The following ACYP2 variants were observed in gnomAD, a reference collection of about 807,000 sequenced individuals.
ACYP2 encodes acylphosphatase-2.
In ACYP2, 12 loss-of-function variants were observed where a neutral mutation model predicts 11.2. The ratio of observed to expected loss-of-function variants is 1.08; its 90% CI spans 0.69 to 1.74. ACYP2 has a LOEUF of 1.74. ACYP2 is among the 40% of genes most tolerant of loss of function. The pLI, the probability that ACYP2 is intolerant of heterozygous loss-of-function variation, is 0.00. For synonymous variants in ACYP2, 43 were observed against 32.2 expected, an observed-to-expected ratio of 1.33 and a Z score of -1.13; for missense variants, 134 against 101.9, an observed-to-expected ratio of 1.31 and a Z score of -1.35.
intron 4 of ACYP2, among the ~76,000 whole-genome samples, chr2:54,060,293 C>A (rs1345773518): frequency 6.6e-6 from 1 of 151,944 alleles, no homozygotes; most frequent in East Asian, 1.9e-4. Context: ...AGTTTACTTT[C>A]TAGATTCGTT....
At chr2:54,115,791 G>A (rs754331174) in intron 4 of ACYP2, 35 bp downstream of exon 1, 1 of 1,562,134 alleles carries the variant, frequency 6.4e-7, no homozygotes, top group South Asian at 1.2e-5. Flanking sequence ...GATCAAAAAG[G>A]TTATGGGAGG....
chr2:54,009,525 G>C (rs369671058), intron 2 of ACYP2, among the ~76,000 whole-genome samples: 246 of 152,288 alleles, frequency 1.6e-3, no homozygotes, highest in African/African-American at 5.7e-3. Context: ...AGTGAGCCAA[G>C]ATTGCATCAC....
At chr2:54,167,494 A>G (rs1014311701) in intron 6 of ACYP2, among the ~76,000 whole-genome samples, 24 of 152,208 alleles carry the variant, frequency 1.6e-4, no homozygotes, top group African/African-American at 5.1e-4. Context: ...TCACAGTTGT[A>G]GTATTTTTCT....
intron 6 of ACYP2, among the ~76,000 whole-genome samples, chr2:54,176,806 G>GTTT (rs1683482826): frequency 6.6e-6 from 1 of 152,158 alleles, no homozygotes; most frequent in South Asian, 2.1e-4. Context: ...GTTGTTGAGA[G>GTTT]GGTACCAAAG....
intron 4 of ACYP2, among the ~76,000 whole-genome samples, chr2:54,107,804 G>A (rs769622941): frequency 6.6e-6 from 1 of 152,218 alleles, no homozygotes; most frequent in Non-Finnish European, 1.5e-5. Flanking sequence ...ATCAGATAGA[G>A]ATCCACTTTG....
chr2:54,230,835 T>C lies in ACYP2; in HGVS notation c.405-73853T>C, dbSNP rs550882060. The stretch of plus-strand genomic sequence containing the variant: ...CAATGTATTTCTTTCTTTTCTTTTT[T>C]TTTTTTTTTTTTGAGTCAAAGTCTT... On this transcript the variant is annotated intron_variant, in intron 6 of 6. Coordinates refer to ENST00000607452, the MANE Select transcript of ACYP2 (RefSeq NM_001320586.2). Among the ~76,000 whole-genome samples, 598 of 148,852 alleles carry C rather than the reference T, an allele frequency of 4.0e-3. 5 individuals are homozygous for C. Among genetic ancestry groups the C allele is most frequent in the African/African-American group, 0.014 (568 of 40,936 alleles).
At chr2:54,257,439 G>C (rs1475023304) in intron 6 of ACYP2, among the ~76,000 whole-genome samples, 2 of 152,224 alleles carry the variant, frequency 1.3e-5, no homozygotes, top group Admixed American at 6.5e-5. Context: ...CAGCTAGTCA[G>C]TTGGCCTTGT....
chr2:54,279,905 G>C (rs1199796738), intron 6 of ACYP2, among the ~76,000 whole-genome samples: 1 of 152,012 alleles, frequency 6.6e-6, no homozygotes, highest in Non-Finnish European at 1.5e-5. Context: ...TTACAGAATA[G>C]GTATCTATTA....
rs539614418 is a variant in ACYP2, at chr2:54,193,463, G to C, written c.404+54715G>C. The stretch of plus-strand genomic sequence containing the variant: ...AGTGCTGGGATGAGCTCCCAGAGCT[G>C]ACTCTACCCTCCATCTGAATCAGGT... On this transcript the variant is annotated intron_variant, in intron 6 of 6. Coordinates refer to ENST00000607452, the MANE Select transcript of ACYP2 (RefSeq NM_001320586.2). Among the ~76,000 whole-genome samples, 28 of 152,270 alleles carry C rather than the reference G, an allele frequency of 1.8e-4. No individual in the cohort carries two copies. In the East Asian group the frequency reaches 5.4e-3, roughly 29 times the overall value.
At chr2:54,154,889 C>T (rs1383402666) in intron 6 of ACYP2, among the ~76,000 whole-genome samples, 2 of 152,158 alleles carry the variant, frequency 1.3e-5, no homozygotes, top group Non-Finnish European at 1.5e-5. Flanking sequence ...AGTAACACTT[C>T]CAGTCTTGGG....
At chr2:54,074,172 T>C (rs747686568) in intron 4 of ACYP2, among the ~76,000 whole-genome samples, 2 of 152,046 alleles carry the variant, frequency 1.3e-5, no homozygotes, top group Non-Finnish European at 2.9e-5. Flanking sequence ...AGACCCCCAT[T>C]TCTACAAAAA....
intron 6 of ACYP2, among the ~76,000 whole-genome samples, chr2:54,145,482 A>T (rs1164423277): frequency 1.3e-5 from 2 of 152,090 alleles, no homozygotes; most frequent in African/African-American, 4.8e-5. Context: ...TTCTCTTTTT[A>T]TATTTTTTTA....
intron 6 of ACYP2, among the ~76,000 whole-genome samples, chr2:54,248,797 G>A (rs548406645): frequency 6.6e-6 from 1 of 152,212 alleles, no homozygotes; most frequent in South Asian, 2.1e-4. Context: ...AAACAACTAA[G>A]CTCAAAATAC....
intron 6 of ACYP2, among the ~76,000 whole-genome samples, chr2:54,301,052 C>T (rs369380340): frequency 6.6e-6 from 1 of 152,162 alleles, no homozygotes; most frequent in African/African-American, 2.4e-5. Context: ...CACGGCCATA[C>T]ATATTGGTAA....
At chr2:54,147,080 G>C (rs1572854553) in intron 6 of ACYP2, among the ~76,000 whole-genome samples, 1 of 152,128 alleles carries the variant, frequency 6.6e-6, no homozygotes, top group East Asian at 1.9e-4. Flanking sequence ...ATAGGTGTGA[G>C]CCACCGTGCC....
intron 2 of ACYP2, among the ~76,000 whole-genome samples, chr2:54,007,033 G>A (rs1673101518): frequency 6.7e-6 from 1 of 150,072 alleles, no homozygotes; most frequent in African/African-American, 2.5e-5. Context: ...GCTGAGGCAG[G>A]AGAATCACTT....
intron 6 of ACYP2, among the ~76,000 whole-genome samples, chr2:54,270,132 A>G (rs1175579540): frequency 2.0e-5 from 3 of 152,160 alleles, no homozygotes; most frequent in African/African-American, 7.2e-5. Flanking sequence ...TATGTATACT[A>G]ACTTCTTCCC....
At chr2:54,156,001 T>G (rs1273843413) in intron 6 of ACYP2, among the ~76,000 whole-genome samples, 1 of 152,128 alleles carries the variant, frequency 6.6e-6, no homozygotes, top group African/African-American at 2.4e-5. Flanking sequence ...AGGTATATAT[T>G]TTTCATTTAT....
chr2:54,098,262 C>G (rs1400539804), intron 4 of ACYP2, among the ~76,000 whole-genome samples: 1 of 152,160 alleles, frequency 6.6e-6, no homozygotes, highest in African/African-American at 2.4e-5. Flanking sequence ...AGCCACTGCA[C>G]CTGGCCACAA....
Sources: gnomAD v4.1 joint callset for allele counts (sites outside exome capture counted in the v4.1 genomes callset) on GRCh38, gnomAD v4.1.1 for gene constraint, MANE v1.5 for transcripts, NCBI Gene and HGNC (gene_info 2026-07-23, HGNC 2026-07-21) for gene names.